Variants in ZNF25 observed in about 807,000 individuals in gnomAD.
ZNF25 encodes the protein zinc finger protein 25.
ZNF25 carries 21 observed loss-of-function variants against 30.9 expected under a neutral mutation model. The observed-to-expected ratio is 0.68, with a 90% CI of 0.48 to 0.98. ZNF25 has a LOEUF of 0.98. ZNF25 is among the 50% of genes least tolerant of loss of function. The pLI is 0.00. For missense variants in ZNF25, 501 were observed against 529.9 expected (o/e 0.95, Z 0.54); for synonymous variants, 169 against 181.3 (o/e 0.93, Z 0.55).
chr10:37,968,635 A>G (rs1304484842), intron 2 of ZNF25, among the ~76,000 whole-genome samples: 1 of 152,174 alleles, frequency 6.6e-6, no homozygotes, highest in Non-Finnish European at 1.5e-5. Context: ...GATTACAGGC[A>G]TGAGCCACTA....
chr10:37,955,164 A>AAG (rs1232401587), intron 4 of ZNF25, among the ~76,000 whole-genome samples: 1 of 152,096 alleles, frequency 6.6e-6, no homozygotes, highest in African/African-American at 2.4e-5. Context: ...AAAAAAAAAA[A>AAG]AATCTTATGT....
chr10:37,961,585 TAAAAG>T (rs1321314460), intron 2 of ZNF25, among the ~76,000 whole-genome samples: 4 of 151,874 alleles, frequency 2.6e-5, no homozygotes, highest in Non-Finnish European at 5.9e-5. Context: ...AGAATATACT[TAAAAG>T]AAACTACAAA....
At chr10:37,954,064 G>A (rs1337795886) in intron 4 of ZNF25, among the ~76,000 whole-genome samples, 2 of 152,184 alleles carry the variant, frequency 1.3e-5, no homozygotes, top group Non-Finnish European at 2.9e-5. Flanking sequence ...CATTCGAAGT[G>A]TTGCTGAACG....
At chr10:37,976,220 C>A (rs2135481170) in intron 1 of ZNF25, among the ~76,000 whole-genome samples, 1 of 152,334 alleles carries the variant, frequency 6.6e-6, no homozygotes, top group East Asian at 1.9e-4. Context: ...TGGAGCGCCG[C>A]GTCTGCAGCG....
Position 37,952,527 on chromosome 10 carries a change from T to C in ZNF25, c.971A>G (p.Tyr324Cys), listed in dbSNP as rs1564748687. 1 of 1,613,590 alleles carries C rather than the reference T, an allele frequency of 6.2e-7. No individual in the cohort carries two copies. The highest frequency in any genetic ancestry group is 8.5e-7 in the Non-Finnish European group (1 of 1,179,852). ...ATGTACTGTGAGGGCTGACTTCTGG[T>C]AGAAGCATTTCCTACATTCCTTACA... Reference protein sequence around the residue: ...YECKECRKCFYQKSALTVHQR... With the variant: ...YECKECRKCFCQKSALTVHQR... Residue 324 changes from tyrosine (Y) to cysteine (C), a missense_variant, in exon 6 of 6, where the codon TAC becomes TGC. By Grantham distance (194) the Tyr-to-Cys change is radical. Coordinates refer to ENST00000302609, the MANE Select transcript of ZNF25 (RefSeq NM_145011.4).
chr10:37,968,011 T>C (rs930570480), intron 2 of ZNF25: 1 of 152,186 alleles, frequency 6.6e-6, no homozygotes, highest in African/African-American at 2.4e-5. Flanking sequence ...TGTTTGTGCA[T>C]TATAGAACAT....
chr10:37,964,957 G>C (rs1208654), intron 2 of ZNF25, among the ~76,000 whole-genome samples: 1 of 152,210 alleles, frequency 6.6e-6, no homozygotes, highest in Admixed American at 6.5e-5. Context: ...AGGCAATGCA[G>C]CTCTGTGCAG....
chr10:37,952,636 AT>A lies in ZNF25; in HGVS notation c.861del (p.Lys287AsnfsTer95). ...GAGAAGAATTTCCCACATTCCTTAC[AT>A]TTATAGGGTTTCTCCCCTGTGTGCA... ...QRMHTGEKPYKCKECGKFFSR... is the reference protein window; with the variant it reads ...QRMHTGEKPYXCKECGKFFSR... On this transcript the variant is annotated frameshift_variant, in exon 6 of 6. Coordinates refer to ENST00000302609, the MANE Select transcript of ZNF25 (RefSeq NM_145011.4). LOFTEE classifies it high-confidence loss of function. 2 of 1,613,658 alleles carry A rather than the reference AT, an allele frequency of 1.2e-6. No homozygotes were observed. Among genetic ancestry groups the A allele is most frequent in the Non-Finnish European group, 1.7e-6 (2 of 1,179,922 alleles).
chr10:37,963,933 C>A (rs542215441), intron 2 of ZNF25, among the ~76,000 whole-genome samples: 4 of 152,232 alleles, frequency 2.6e-5, no homozygotes, highest in African/African-American at 9.6e-5. Flanking sequence ...CAAGATCATG[C>A]CACTGCACTC....
At chr10:37,954,133 A>G (rs2224243) in intron 4 of ZNF25, among the ~76,000 whole-genome samples, 150,973 of 152,320 alleles carry the variant, frequency 0.99, 74,833 homozygotes, top group Middle Eastern at 1. Flanking sequence ...ACAGTAAGCA[A>G]GTTAAGAAAA....
intron 2 of ZNF25, among the ~76,000 whole-genome samples, chr10:37,966,625 C>A (rs1477639378): frequency 6.6e-6 from 1 of 151,936 alleles, no homozygotes; most frequent in Non-Finnish European, 1.5e-5. Context: ...CACACTTTTA[C>A]CCAGATCTTG....
chr10:37,972,713 A>C (rs1162335855), intron 1 of ZNF25, among the ~76,000 whole-genome samples: 1 of 152,248 alleles, frequency 6.6e-6, no homozygotes, highest in African/African-American at 2.4e-5. Context: ...TAAGCAGCAG[A>C]AACCATGCAG....
In ZNF25 at chr10:37,971,780, G is replaced by C; in HGVS notation, c.-58C>G. 5 of 1,613,218 alleles carry C rather than the reference G, an allele frequency of 3.1e-6. No individual in the cohort carries two copies. Among genetic ancestry groups the C allele is most frequent in the South Asian group, 2.2e-5 (2 of 91,062 alleles). Reference sequence around the variant, plus strand: ...CAAAGCCAGAGCAGAAATCATAAGGGACCTTAGCTGGCAGCCCCAGGAATC... The same window carrying C: ...CAAAGCCAGAGCAGAAATCATAAGGCACCTTAGCTGGCAGCCCCAGGAATC... On this transcript the variant is annotated 5_prime_UTR_variant, in exon 2 of 6. Coordinates refer to ENST00000302609, the MANE Select transcript of ZNF25 (RefSeq NM_145011.4).
At chr10:37,955,250 A>T (rs2062447301) in intron 4 of ZNF25, among the ~76,000 whole-genome samples, 1 of 152,210 alleles carries the variant, frequency 6.6e-6, no homozygotes, top group South Asian at 2.1e-4. Flanking sequence ...TAAGTTGCAT[A>T]GGCAAGAGAG....
Position 37,958,718 on chromosome 10 carries a change from AAGGCTGC to A in ZNF25, c.16-1179_16-1173del, listed in dbSNP as rs2062678147. ...GAGAATCGCATGAACCTGGGAAGTTAAGGCTGCAGTGAGACACAGTAAGACTCTATCA... is the reference window on the plus strand; with the variant it reads ...GAGAATCGCATGAACCTGGGAAGTTAAGTGAGACACAGTAAGACTCTATCA... On this transcript the variant is annotated intron_variant, in intron 2 of 5. Transcript: ENST00000302609. 6.6e-5 allele frequency among the ~76,000 whole-genome samples: 10 copies of A among 152,170 alleles called. No homozygotes were observed. The South Asian group carries it at 2.1e-3, about 32-fold the overall frequency.
chr10:37,961,548 C>T (rs113771560), intron 2 of ZNF25, among the ~76,000 whole-genome samples: 71 of 152,024 alleles, frequency 4.7e-4, no homozygotes, highest in African/African-American at 1.4e-3. Flanking sequence ...AGCATACAAA[C>T]GATGCACCAT....
intron 2 of ZNF25, among the ~76,000 whole-genome samples, chr10:37,963,438 T>G (rs1305244366): frequency 6.6e-6 from 1 of 152,154 alleles, no homozygotes; most frequent in Non-Finnish European, 1.5e-5. Context: ...GAGTACTTAA[T>G]AAAGAAAGAG....
intron 1 of ZNF25, among the ~76,000 whole-genome samples, chr10:37,976,204 C>A (rs993937691): frequency 4.6e-5 from 7 of 152,260 alleles, no homozygotes; most frequent in African/African-American, 1.4e-4. Flanking sequence ...CACGTCCCTG[C>A]GGCTTTGGAG....
chr10:37,965,854 CA>C (rs1312234618), intron 2 of ZNF25, among the ~76,000 whole-genome samples: 1 of 151,922 alleles, frequency 6.6e-6, no homozygotes, highest in Non-Finnish European at 1.5e-5. Flanking sequence ...ATACAACATG[CA>C]AAAATATAAT....
Sources: gnomAD v4.1 joint callset for allele counts (sites outside exome capture counted in the v4.1 genomes callset) on GRCh38, gnomAD v4.1.1 for gene constraint, MANE v1.5 for transcripts, NCBI Gene and HGNC (gene_info 2026-07-23, HGNC 2026-07-21) for gene names.